Variants in NINJ2 observed in about 807,000 individuals in gnomAD.
NINJ2 encodes the protein ninjurin-2.
A neutral mutation model predicts 11.7 loss-of-function variants in NINJ2; 12 were observed. The ratio of observed to expected loss-of-function variants is 1.02; its 90% confidence interval spans 0.66 to 1.66. The LOEUF (loss-of-function observed/expected upper bound fraction) is 1.66, where lower values mean the gene tolerates loss of function less well. Among genes scored for constraint, NINJ2 ranks in the 40% most tolerant of loss-of-function variants. The probability of loss-of-function intolerance (pLI) is 0.00; values close to 1 mark genes in which losing one functional copy is unlikely to be tolerated. For missense variants in NINJ2, 187 were observed against 181.8 expected (o/e 1.03, Z -0.16); for synonymous variants, 93 against 76.8 (o/e 1.21, Z -1.10).
chr12:643,696 C>T lies in NINJ2; in HGVS notation c.33+19632G>A, dbSNP rs1403489697. 7 of 987,898 alleles carry T rather than the reference C, an allele frequency of 7.1e-6. No individual in the cohort carries two copies. The Admixed American group carries it at 3.7e-4, about 52-fold the overall frequency. 61.2% of individuals were successfully genotyped at this position (987,898 alleles called of 1,614,324 possible). On this transcript the variant is annotated intron_variant, in intron 1 of 3. Transcript: ENST00000305108. ...TCGTTTGAGCCACGCCTCACCGCAA[C>T]GAGTCTGCCATCAGCCAAGAGGTCA...
At chr12:611,042 C>G (rs186768251) in intron 1 of NINJ2, among the ~76,000 whole-genome samples, 1 of 152,152 alleles carries the variant, frequency 6.6e-6, no homozygotes, top group Non-Finnish European at 1.5e-5. Context: ...GGCTGGACAT[C>G]TATTCTTTAA....
chr12:566,200 C>A (rs369923438), intron 1 of NINJ2, 22 bp from the exon 2 acceptor site: 2 of 1,595,798 alleles, frequency 1.3e-6, no homozygotes, highest in Non-Finnish European at 1.7e-6. Context: ...AAAGCACAGA[C>A]TTACCAAGGG....
chr12:584,914 C>T (rs1223321867), intron 1 of NINJ2, among the ~76,000 whole-genome samples: 2 of 150,800 alleles, frequency 1.3e-5, no homozygotes, highest in African/African-American at 2.4e-5. Context: ...ATCAGGAGTT[C>T]GAGACCAGCC....
chr12:647,597 G>A (rs768557423), intron 1 of NINJ2, among the ~76,000 whole-genome samples: 3 of 152,188 alleles, frequency 2.0e-5, no homozygotes, highest in East Asian at 3.8e-4. Flanking sequence ...CTCTGGGTGC[G>A]TTGCTTACTC....
At chr12:577,448 T>TATACATATATATATGTA in intron 1 of NINJ2, among the ~76,000 whole-genome samples, 5 of 141,950 alleles carry the variant, frequency 3.5e-5, no homozygotes, top group Admixed American at 7.2e-5. Context: ...TATATAAATA[T>TATACATATATATATGTA]TTTGGCACGA....
At chr12:568,020 AAAAC>A (rs747115093) in intron 1 of NINJ2, among the ~76,000 whole-genome samples, 8 of 152,144 alleles carry the variant, frequency 5.3e-5, no homozygotes, top group Middle Eastern at 3.2e-3. Flanking sequence ...AACAAAAACA[AAAAC>A]AAAACTCTGA....
chr12:634,265 C>CTTGTTTTTTTTTTTTTTTTTTT (rs1948317547), intron 1 of NINJ2, among the ~76,000 whole-genome samples: 1 of 59,526 alleles, frequency 1.7e-5, no homozygotes, highest in Non-Finnish European at 3.1e-5. Flanking sequence ...AGTTGCAGTT[C>CTTGTTTTTTTTTTTTTTTTTTT]TTTTTTTTTT....
intron 1 of NINJ2, among the ~76,000 whole-genome samples, chr12:593,481 G>A (rs891658893): frequency 1.3e-5 from 2 of 152,180 alleles, no homozygotes; most frequent in African/African-American, 2.4e-5. Context: ...ACTGTGGGAC[G>A]CTGAGGTAGG....
Position 564,478 on chromosome 12 carries a change from A to C in NINJ2, c.*222T>G, listed in dbSNP as rs1030474367. On this transcript the variant is annotated 3_prime_UTR_variant, in exon 4 of 4. Transcript: ENST00000305108. ...ATGCTACCAGGAAGGTATGGCTGGC[A>C]GTACCTGCGTCTGAGCTCAGGACTT... The C allele has an allele frequency of 1.3e-5, 2 of 152,278 alleles. No homozygotes were observed. The highest frequency in any genetic ancestry group is 4.8e-5 in the African/African-American group (2 of 41,468). 9.4% of individuals were successfully genotyped at this position (152,278 alleles called of 1,614,324 possible).
At chr12:567,297 C>A (rs181129139) in intron 1 of NINJ2, among the ~76,000 whole-genome samples, 138 of 140,916 alleles carry the variant, frequency 9.8e-4, no homozygotes, top group Middle Eastern at 3.5e-3. Context: ...CAGATCACCA[C>A]GACAGGACAG....
In NINJ2 at chr12:566,033, G is replaced by C. The variant is rs969695564; in HGVS notation, c.179C>G (p.Ser60Cys). Residue 60 changes from serine to cysteine, a missense_variant, in exon 2 of 4, where the codon TCT becomes TGT. Physicochemically the swap from Ser to Cys is moderately radical, Grantham distance 112. Transcript: ENST00000305108. ...GGTGACCAGGGTGGTGTAGTAGTGA[G>C]AGGATGGTCCCTGCTCCAGCACCGC... ...LKAVLEQGPS[S>C]HYYTTLVTLI... 3.7e-5 allele frequency: 60 copies of C among 1,614,114 alleles called. No individual in the cohort carries two copies. Among genetic ancestry groups the C allele is most frequent in the Non-Finnish European group, 5.1e-5 (60 of 1,180,034 alleles).
intron 1 of NINJ2, among the ~76,000 whole-genome samples, chr12:596,826 G>T (rs1026612212): frequency 5.3e-5 from 8 of 152,078 alleles, no homozygotes; most frequent in African/African-American, 1.9e-4. Context: ...GGAGGCTGAG[G>T]TGGGAGGATC....
intron 1 of NINJ2, among the ~76,000 whole-genome samples, chr12:604,640 C>A (rs958598100): frequency 3.3e-5 from 5 of 151,864 alleles, no homozygotes; most frequent in Non-Finnish European, 5.9e-5. Context: ...TCAGTCCCAA[C>A]AACAACAACA....
chr12:577,692 A>G (rs1947488456), intron 1 of NINJ2, among the ~76,000 whole-genome samples: 1 of 151,752 alleles, frequency 6.6e-6, no homozygotes, highest in South Asian at 2.1e-4. Context: ...AGCAGCAGCA[A>G]CATCACCTGA....
At position 565,972 on chromosome 12, in the gene NINJ2, G is replaced by C. The variant is rs200357192; in HGVS notation, c.240C>G (p.Ile80Met). ...CACCAATGACCACGAGCAGGACACC[G>C]ATGACCACCTGCAGGAGCAGAGAGA... is the stretch of plus-strand genomic sequence containing the variant. Reference protein sequence around the residue: ...ISLSLLLQVVIGVLLVVIARL... With the variant: ...ISLSLLLQVVMGVLLVVIARL... Residue 80 changes from isoleucine (I) to methionine (M), a missense_variant, in exon 2 of 4, where the codon ATC (isoleucine) becomes ATG (methionine). By Grantham distance (10) the Ile-to-Met change is conservative (BLOSUM62 1). Transcript: ENST00000305108. The C allele has an allele frequency of 6.2e-7, 1 of 1,614,048 alleles. No homozygotes were observed. Among genetic ancestry groups the C allele is most frequent in the African/African-American group, 1.3e-5 (1 of 74,940 alleles).
At position 628,751 on chromosome 12, in the gene NINJ2, G is replaced by A. The variant is rs192365712; in HGVS notation, c.33+34577C>T. On this transcript the variant is annotated intron_variant, in intron 1 of 3. Coordinates refer to ENST00000305108, the MANE Select transcript of NINJ2 (RefSeq NM_016533.6). This position sits in a 1 kb window ranked among gnomAD's most constrained non-coding sequence, Gnocchi z 4.4. ...GCCAAAACCCACCAAAACCAAGATG[G>A]CAATGAAAGTGACCACTGGTTGTCC... Among the ~76,000 whole-genome samples, 54 of 152,254 alleles carry A rather than the reference G, an allele frequency of 3.5e-4. No individual in the cohort carries two copies. Among genetic ancestry groups the A allele is most frequent in the Non-Finnish European group, 5.3e-4 (36 of 68,016 alleles).
chr12:627,017 C>T (rs1026090702), intron 1 of NINJ2, among the ~76,000 whole-genome samples: 6 of 152,016 alleles, frequency 3.9e-5, no homozygotes, highest in African/African-American at 1.2e-4. Context: ...CCTAGGAGTT[C>T]GAGGTTGCAG....
intron 1 of NINJ2, among the ~76,000 whole-genome samples, chr12:608,784 G>T (rs948987661): frequency 1.3e-5 from 2 of 152,188 alleles, no homozygotes; most frequent in African/African-American, 4.8e-5. Context: ...TCTACGTCCT[G>T]ATGCTGCCAC....
In NINJ2 at chr12:614,294, C is replaced by T. The variant is rs189277446; in HGVS notation, c.34-48116G>A. On this transcript the variant is annotated intron_variant, in intron 1 of 3. Transcript: ENST00000305108. The surrounding 1 kb of genome is among the most constrained non-coding windows in gnomAD (Gnocchi z 5.1). ...TTTATACCTCATGACTTCTTGCATT[C>T]GGCTGAATATTCTAGACTGCATGAG... Among the ~76,000 whole-genome samples the T allele has an allele frequency of 5.5e-4, 84 of 152,298 alleles. No individual in the cohort carries two copies. The Middle Eastern group carries it at 0.02, about 37-fold the overall frequency.
Sources: gnomAD v4.1 joint callset for allele counts (sites outside exome capture counted in the v4.1 genomes callset) on GRCh38, gnomAD v4.1.1 for gene constraint, Gnocchi (gnomAD v3.1) non-coding constraint, MANE v1.5 for transcripts, NCBI Gene and HGNC (gene_info 2026-07-23, HGNC 2026-07-21) for gene names.